The following TMEM161B variants were observed in gnomAD, a reference collection of about 807,000 sequenced individuals.
The protein encoded by TMEM161B is transmembrane protein 161B.
TMEM161B carries 34 observed loss-of-function variants against 61.8 expected under a neutral mutation model. That is an observed-to-expected ratio of 0.55 (90% CI 0.42 to 0.73). The LOEUF (loss-of-function observed/expected upper bound fraction) is 0.73, where lower values mean the gene tolerates loss of function less well. Among genes scored for constraint, TMEM161B ranks in the 30% least tolerant of loss-of-function variants. TMEM161B has a pLI of 0.00. For synonymous variants in TMEM161B, 167 were observed against 192.8 expected, an observed-to-expected ratio of 0.87 and a Z score of 1.11; for missense variants, 456 against 558.5, an observed-to-expected ratio of 0.82 and a Z score of 1.85.
chr5:88,189,698 A>G (rs1450537588), exon 13 of TMEM161B: 2 of 177,548 alleles, frequency 1.1e-5, no homozygotes, highest in Non-Finnish European at 1.2e-5. Context: ...ACTCAATTTC[A>G]CCTAACTCTT....
intron 2 of TMEM161B, among the ~76,000 whole-genome samples, chr5:88,233,339 C>A (rs1015464035): frequency 6.6e-5 from 10 of 151,954 alleles, no homozygotes; most frequent in Non-Finnish European, 4.4e-5. Context: ...TAACCAGCAA[C>A]CTAAAGAATG....
downstream of TMEM161B, among the ~76,000 whole-genome samples, chr5:88,188,281 T>A (rs1285570695): frequency 9.2e-4 from 4 of 4,334 alleles, no homozygotes; most frequent in African/African-American, 1.7e-3. Context: ...ATTTTTGTAT[T>A]TTTTTTTTTT....
At position 88,225,773 on chromosome 5, in the gene TMEM161B, A is replaced by G. The variant is rs1424435897; in HGVS notation, c.285T>C (p.Thr95=). The G allele has an allele frequency of 6.3e-7, 1 of 1,593,794 alleles. No individual in the cohort carries two copies. Among genetic ancestry groups the G allele is most frequent in the African/African-American group, 1.3e-5 (1 of 74,260 alleles). The change falls in exon 4 of 12, where the codon ACT becomes ACC. Residue 95 remains threonine (T), a synonymous_variant. Coordinates refer to ENST00000296595, the MANE Select transcript of TMEM161B (RefSeq NM_153354.5). ...TTTTATCAAGATTTCCCTTACCTAA[A>G]GTATCCACTTCTGTAACTGACTTTG... ...LETKSVTEVD[T]LALHYFPEYQ... is the part of the protein sequence containing the mutation.
rs74322012 is a variant in TMEM161B, at chr5:88,257,306, T to C, written c.3+11415A>G. On this transcript the variant is annotated intron_variant, in intron 1 of 11. Coordinates refer to ENST00000296595, the MANE Select transcript of TMEM161B (RefSeq NM_153354.5). ...CAAAACAAAACAAAACAAAAACACC[T>C]TTCCTTTTAACAAACTAAAAATCAA... 3.4e-4 allele frequency among the ~76,000 whole-genome samples: 51 copies of C among 152,138 alleles called. No homozygotes were observed. In the East Asian group the frequency reaches 9.7e-3, roughly 29 times the overall value.
chr5:88,265,574 A>G (rs1388686627), intron 1 of TMEM161B, among the ~76,000 whole-genome samples: 2 of 152,190 alleles, frequency 1.3e-5, no homozygotes, highest in African/African-American at 2.4e-5. Flanking sequence ...CTAACAGGCC[A>G]TGGACCAGTA....
intron 9 of TMEM161B, 180 bp downstream of exon 9, chr5:88,202,782 G>A: frequency 1.6e-6 from 1 of 626,044 alleles, no homozygotes; most frequent in African/African-American, 1.9e-5. Flanking sequence ...AACTAATAAA[G>A]ATCACAAAAA....
At chr5:88,213,726 A>C (rs1444424978) in intron 5 of TMEM161B, among the ~76,000 whole-genome samples, 1 of 152,190 alleles carries the variant, frequency 6.6e-6, no homozygotes, top group African/African-American at 2.4e-5. Flanking sequence ...TTAACTCTAG[A>C]TTTTTGTCTT....
Position 88,268,765 on chromosome 5 carries a change from C to T in TMEM161B, c.-42G>A. On this transcript the variant is annotated 5_prime_UTR_variant, in exon 1 of 12. Coordinates refer to ENST00000296595, the MANE Select transcript of TMEM161B (RefSeq NM_153354.5). ...CGTGGACCAGACACCCTGGAGTTGC[C>T]GGGGCAGTCCCAAACCTCTTACCTC... 1 of 1,613,850 alleles carries T rather than the reference C, an allele frequency of 6.2e-7. No homozygotes were observed. Among genetic ancestry groups the T allele is most frequent in the South Asian group, 1.1e-5 (1 of 91,052 alleles).
chr5:88,255,698 A>G (rs574697878), intron 1 of TMEM161B, among the ~76,000 whole-genome samples: 28 of 152,320 alleles, frequency 1.8e-4, no homozygotes, highest in African/African-American at 6.5e-4. Context: ...AGCATAAAAT[A>G]CATTTTTAAT....
rs1484054816 is a variant in TMEM161B at position 88,250,112 on chromosome 5, A to C, written c.4-9196T>G. ...GACTCATAAATCTTTTTTCCCATTA[A>C]TCAAAATCTTGCAAAGGAGACAAAC... On this transcript the variant is annotated intron_variant, in intron 1 of 11. Transcript: ENST00000296595. 2.0e-5 allele frequency among the ~76,000 whole-genome samples: 3 copies of C among 152,050 alleles called. No homozygotes were observed. The East Asian group carries it at 5.8e-4, about 29-fold the overall frequency.
intron 2 of TMEM161B, among the ~76,000 whole-genome samples, chr5:88,236,095 A>G (rs1751801612): frequency 6.6e-6 from 1 of 152,158 alleles, no homozygotes; most frequent in African/African-American, 2.4e-5. Context: ...GGATCAGGCA[A>G]CATGCAATAA....
intron 1 of TMEM161B, among the ~76,000 whole-genome samples, chr5:88,254,188 C>T (rs1448379745): frequency 3.3e-5 from 5 of 151,974 alleles, no homozygotes. Flanking sequence ...GAATTGAAAG[C>T]ACATATAGGT....
intron 8 of TMEM161B, among the ~76,000 whole-genome samples, chr5:88,204,587 C>A (rs768056919): frequency 2.0e-5 from 3 of 152,082 alleles, no homozygotes; most frequent in African/African-American, 4.8e-5. Context: ...GGGCTCCCCT[C>A]CACCCACCCT....
intron 9 of TMEM161B, chr5:88,200,396 C>T (rs1744168518): frequency 6.6e-6 from 1 of 152,020 alleles, no homozygotes; most frequent in Non-Finnish European, 1.5e-5. Flanking sequence ...ACAAGCCTAC[C>T]CACAGCCTTG....
At chr5:88,227,312 T>C (rs967038152) in intron 3 of TMEM161B, among the ~76,000 whole-genome samples, 1 of 152,220 alleles carries the variant, frequency 6.6e-6, no homozygotes, top group African/African-American at 2.4e-5. Context: ...TACGTAACCT[T>C]ACTAGTTATG....
At chr5:88,234,852 C>T (rs1751586962) in intron 2 of TMEM161B, among the ~76,000 whole-genome samples, 1 of 152,072 alleles carries the variant, frequency 6.6e-6, no homozygotes, top group Non-Finnish European at 1.5e-5. Context: ...ATTGCTTGAG[C>T]CTAGGAGTTT....
intron 4 of TMEM161B, 117 bp from the exon 5 acceptor site, chr5:88,220,836 T>C: frequency 1.5e-6 from 2 of 1,293,094 alleles, no homozygotes; most frequent in South Asian, 1.8e-5. Context: ...ACTTTATTTG[T>C]TCATTTGCAA....
intron 9 of TMEM161B, chr5:88,199,429 A>G (rs1743949290): frequency 4.4e-6 from 1 of 228,988 alleles, no homozygotes; most frequent in Admixed American, 5.7e-5. Context: ...ACCCTCCTCC[A>G]TGGATAAAAA....
Position 88,241,483 on chromosome 5 carries a change from C to T in TMEM161B, c.4-567G>A, listed in dbSNP as rs1005587549. On this transcript the variant is annotated intron_variant, in intron 1 of 11. Coordinates refer to ENST00000296595, the MANE Select transcript of TMEM161B (RefSeq NM_153354.5). ...AAGGATATCAAAATGAAGTGGAAAG[C>T]GATTTCTTCATCCTTCTCCAATTTA... is the stretch of plus-strand genomic sequence containing the variant. Among the ~76,000 whole-genome samples the T allele has an allele frequency of 7.9e-5, 12 of 151,880 alleles. 1 individual carries two copies. The highest frequency in any genetic ancestry group is 5.3e-4 in the Admixed American group (8 of 15,222).
Sources: allele counts gnomAD v4.1 joint callset (sites outside exome capture counted in the v4.1 genomes callset), GRCh38; gene constraint gnomAD v4.1.1; transcripts MANE v1.5; gene names NCBI Gene and HGNC (gene_info 2026-07-23, HGNC 2026-07-21).